The following MLLT3 variants were observed in gnomAD, a reference collection of about 807,000 sequenced individuals.
The protein encoded by MLLT3 is MLLT3 super elongation complex subunit.
Under a neutral mutation model 53.2 loss-of-function variants are expected in MLLT3, and 4 were observed. The observed-to-expected ratio is 0.08, with a 90% CI of 0.04 to 0.17. MLLT3 has a LOEUF of 0.17. MLLT3 is among the 10% of genes least tolerant of loss of function. The probability of loss-of-function intolerance (pLI) is 1.00; values close to 1 mark genes in which losing one functional copy is unlikely to be tolerated. For missense variants in MLLT3, 569 were observed against 684.0 expected (o/e 0.83, Z 1.87); for synonymous variants, 283 against 230.6 (o/e 1.23, Z -2.06).
At chr9:20,469,018 A>G (rs912756772) in intron 2 of MLLT3, among the ~76,000 whole-genome samples, 2 of 152,232 alleles carry the variant, frequency 1.3e-5, no homozygotes, top group African/African-American at 4.8e-5. Flanking sequence ...AGACCATTAA[A>G]TAAAGGAATA....
chr9:20,363,598 C>T lies in MLLT3; in HGVS notation c.1209G>A (p.Leu403=). 3 of 1,613,570 alleles carry T rather than the reference C, an allele frequency of 1.9e-6. No individual in the cohort carries two copies. The East Asian group carries it at 6.7e-5, about 36-fold the overall frequency. ...AATGCAGATCTTTCATTATAGACCT[C>T]AAAGGACCTGAGTAATGACAATGAA... ...TPSQTRQQGP[L]RSIMKDLHSD... The change falls in exon 7 of 11, where the codon TTG becomes TTA. Residue 403 remains leucine (L), a synonymous_variant. Coordinates refer to ENST00000380338, the MANE Select transcript of MLLT3 (RefSeq NM_004529.4).
At chr9:20,460,673 A>G (rs1407833618) in intron 2 of MLLT3, among the ~76,000 whole-genome samples, 1 of 152,170 alleles carries the variant, frequency 6.6e-6, no homozygotes, top group Admixed American at 6.5e-5. Flanking sequence ...GAGCCAAATA[A>G]TATGTACCCA....
rs1258680630 is a variant in MLLT3 at position 20,341,911 on chromosome 9, A to G, written c.*4532T>C. ...AATGTATCCCACCACTTCTTGTTCC[A>G]ATCTTTGCAGAGTTTTAAAAATATT... On this transcript the variant is annotated 3_prime_UTR_variant, in exon 11 of 11. Transcript: ENST00000380338. The G allele has an allele frequency of 1.5e-5, 3 of 203,334 alleles. No individual in the cohort carries two copies. The highest frequency in any genetic ancestry group is 6.9e-5 in the African/African-American group (3 of 43,622). 12.6% of individuals were successfully genotyped at this position (203,334 alleles called of 1,614,324 possible).
At chr9:20,474,041 C>A (rs1006255512) in intron 2 of MLLT3, among the ~76,000 whole-genome samples, 1 of 152,070 alleles carries the variant, frequency 6.6e-6, no homozygotes, top group Admixed American at 6.6e-5. Flanking sequence ...ACCAGCCTCT[C>A]GATACTCAGG....
rs551688630 is a variant in MLLT3 at position 20,453,756 on chromosome 9, T to C, written c.276+2948A>G. Among the ~76,000 whole-genome samples, 11 of 152,336 alleles carry C rather than the reference T, an allele frequency of 7.2e-5. No homozygotes were observed. The East Asian group carries it at 1.9e-3, about 27-fold the overall frequency. Reference sequence around the variant, plus strand: ...TGATATAACCATGCACATATATTTCTGCAACTTTTAAGTCATCATTTTTTG... The same window carrying C: ...TGATATAACCATGCACATATATTTCCGCAACTTTTAAGTCATCATTTTTTG... On this transcript the variant is annotated intron_variant, in intron 3 of 10. Transcript: ENST00000380338.
intron 5 of MLLT3, among the ~76,000 whole-genome samples, chr9:20,388,367 T>C (rs1036718163): frequency 2.0e-5 from 3 of 152,122 alleles, no homozygotes; most frequent in Non-Finnish European, 2.9e-5. Flanking sequence ...GGCGTGCAGA[T>C]CACGAGGTCA....
At chr9:20,478,783 A>T (rs1824589279) in intron 2 of MLLT3, among the ~76,000 whole-genome samples, 1 of 152,078 alleles carries the variant, frequency 6.6e-6, no homozygotes, top group Non-Finnish European at 1.5e-5. Context: ...TTCATAGTCT[A>T]GTTGGATTTA....
At chr9:20,388,168 T>C (rs1297654881) in intron 5 of MLLT3, among the ~76,000 whole-genome samples, 16 of 150,826 alleles carry the variant, frequency 1.1e-4, no homozygotes, top group Admixed American at 9.8e-4. Flanking sequence ...TTAGAAAATA[T>C]GTACTTGTTT....
chr9:20,456,963 A>C (rs981266324), intron 2 of MLLT3, among the ~76,000 whole-genome samples, 177 bp from the exon 3 acceptor site: 1 of 152,182 alleles, frequency 6.6e-6, no homozygotes, highest in African/African-American at 2.4e-5. Flanking sequence ...AAACTATAAC[A>C]ATAATTGCTC....
intron 5 of MLLT3, among the ~76,000 whole-genome samples, chr9:20,369,993 T>A (rs1466387068): frequency 6.6e-6 from 1 of 152,236 alleles, no homozygotes; most frequent in Non-Finnish European, 1.5e-5. Context: ...ATATAACACC[T>A]GTTTGTAAAA....
chr9:20,594,384 G>A (rs10964632), intron 2 of MLLT3, among the ~76,000 whole-genome samples: 61,620 of 151,904 alleles, frequency 0.41, 13,142 homozygotes, highest in Middle Eastern at 0.5. Flanking sequence ...TAATAGGCAG[G>A]AATATTATCA....
At chr9:20,579,413 A>G (rs562633569) in intron 2 of MLLT3, among the ~76,000 whole-genome samples, 2 of 152,010 alleles carry the variant, frequency 1.3e-5, no homozygotes, top group South Asian at 4.1e-4. Flanking sequence ...GAAGAAATGA[A>G]AATTATATAT....
intron 9 of MLLT3, 51 bp from the exon 10 acceptor site, chr9:20,353,647 C>G (rs1270946672): frequency 6.9e-7 from 1 of 1,455,134 alleles, no homozygotes; most frequent in East Asian, 2.3e-5. Flanking sequence ...AGTAGTAGTT[C>G]AAAAATAAAT....
At chr9:20,449,594 T>G (rs922173656) in intron 3 of MLLT3, among the ~76,000 whole-genome samples, 2 of 152,142 alleles carry the variant, frequency 1.3e-5, no homozygotes, top group African/African-American at 2.4e-5. Flanking sequence ...ACAAAATAAT[T>G]TGAATCCATT....
At chr9:20,547,386 G>A (rs1001901391) in intron 2 of MLLT3, among the ~76,000 whole-genome samples, 4 of 152,120 alleles carry the variant, frequency 2.6e-5, no homozygotes, top group African/African-American at 9.6e-5. Flanking sequence ...GCTCACGCCT[G>A]TAATCCCAGC....
chr9:20,445,686 G>A (rs954362169), intron 4 of MLLT3, among the ~76,000 whole-genome samples: 1 of 152,078 alleles, frequency 6.6e-6, no homozygotes, highest in Non-Finnish European at 1.5e-5. Flanking sequence ...AGGAACCATA[G>A]CCAAACACTA....
intron 4 of MLLT3, among the ~76,000 whole-genome samples, chr9:20,422,906 G>T (rs1823048890): frequency 6.6e-6 from 1 of 152,184 alleles, no homozygotes; most frequent in South Asian, 2.1e-4. Flanking sequence ...AATCCAGACT[G>T]ATGTAGAAGT....
chr9:20,505,634 C>T (rs1825362464), intron 2 of MLLT3, among the ~76,000 whole-genome samples: 1 of 152,274 alleles, frequency 6.6e-6, no homozygotes, highest in East Asian at 1.9e-4. Context: ...CTTACCTTGG[C>T]TTATGGCATT....
At chr9:20,547,108 A>G (rs1818808142) in intron 2 of MLLT3, among the ~76,000 whole-genome samples, 1 of 152,240 alleles carries the variant, frequency 6.6e-6, no homozygotes, top group Non-Finnish European at 1.5e-5. Context: ...TACTGGTGAC[A>G]TTAACATAAT....
Sources: gnomAD v4.1 joint callset for allele counts (sites outside exome capture counted in the v4.1 genomes callset) on GRCh38, gnomAD v4.1.1 for gene constraint, MANE v1.5 for transcripts, NCBI Gene and HGNC (gene_info 2026-07-23, HGNC 2026-07-21) for gene names.